CACNA1C: variants seen among roughly 807,000 people sequenced by gnomAD.
CACNA1C encodes voltage-dependent L-type calcium channel subunit alpha-1C.
Under a neutral mutation model 229.0 loss-of-function variants are expected in CACNA1C, and 30 were observed. The ratio of observed to expected loss-of-function variants is 0.13; its 90% confidence interval spans 0.10 to 0.18. The LOEUF is 0.18. Ranked by LOEUF, CACNA1C falls within the 10% of genes least tolerant of loss-of-function variation. The pLI, the probability that CACNA1C is intolerant of heterozygous loss-of-function variation, is 1.00. For missense variants in CACNA1C, 1,658 were observed against 2,845.0 expected (o/e 0.58, Z 9.49); for synonymous variants, 1,114 against 1,132.5 (o/e 0.98, Z 0.33).
chr12:2,324,774 A>T (rs2096211233), intron 3 of CACNA1C, among the ~76,000 whole-genome samples: 1 of 151,564 alleles, frequency 6.6e-6, no homozygotes, highest in Non-Finnish European at 1.5e-5. Flanking sequence ...GGGGAAGGGC[A>T]TGCTGGGTCT....
chr12:2,398,739 A>C (rs949297054), intron 3 of CACNA1C, among the ~76,000 whole-genome samples: 2 of 152,170 alleles, frequency 1.3e-5, no homozygotes, highest in Non-Finnish European at 2.9e-5. Context: ...GTGGGGTCTA[A>C]AGATGCCCAA....
chr12:2,266,358 C>A (rs2082396834), intron 3 of CACNA1C, among the ~76,000 whole-genome samples: 2 of 152,246 alleles, frequency 1.3e-5, no homozygotes, highest in African/African-American at 2.4e-5. Flanking sequence ...TTAAGCTGAG[C>A]ATATTGACCT....
At chr12:1,987,003 T>TG (rs113437770) in intron 1 of CACNA1C, among the ~76,000 whole-genome samples, 4,163 of 152,172 alleles carry the variant, frequency 0.027, 96 homozygotes, top group Middle Eastern at 0.054. Flanking sequence ...GGAATAGAAG[T>TG]GGGGATAGAA....
Position 2,054,263 on chromosome 12 carries a change from A to G in CACNA1C, c.49+652A>G, listed in dbSNP as rs1001646501. On this transcript the variant is annotated intron_variant, in intron 1 of 46. Coordinates refer to ENST00000399655, the MANE Select transcript of CACNA1C (RefSeq NM_000719.7). This position sits in a 1 kb window ranked among gnomAD's most constrained non-coding sequence, Gnocchi z 5.5. Reference sequence around the variant, plus strand: ...TCTCTCCCTCCCTCCTCCGCCGCTCACCTACACCCACCCACCTCTCCACTG... The same window carrying G: ...TCTCTCCCTCCCTCCTCCGCCGCTCGCCTACACCCACCCACCTCTCCACTG... Among the ~76,000 whole-genome samples the G allele has an allele frequency of 2.6e-5, 4 of 151,702 alleles. No homozygotes were observed. The highest frequency in any genetic ancestry group is 5.9e-5 in the Non-Finnish European group (4 of 67,892).
In CACNA1C at chr12:2,689,002, C is replaced by T. The variant is rs1165216499; in HGVS notation, c.6117+223C>T. Among the ~76,000 whole-genome samples, 2 of 152,242 alleles carry T rather than the reference C, an allele frequency of 1.3e-5. No homozygotes were observed. The highest frequency in any genetic ancestry group is 2.1e-4 in the South Asian group (1 of 4,822). On this transcript the variant is annotated intron_variant, in intron 46 of 46. Coordinates refer to ENST00000399655, the MANE Select transcript of CACNA1C (RefSeq NM_000719.7). This position sits in a 1 kb window ranked among gnomAD's most constrained non-coding sequence, Gnocchi z 4.2. Reference sequence around the variant, plus strand: ...TTGAGGCTGGGCCCACTGCAGAGGGCGGCAGAAACCACTGAGCAACTTATC... The same window carrying T: ...TTGAGGCTGGGCCCACTGCAGAGGGTGGCAGAAACCACTGAGCAACTTATC...
intron 3 of CACNA1C, among the ~76,000 whole-genome samples, chr12:2,212,032 C>T (rs1024055926): frequency 2.0e-5 from 3 of 152,146 alleles, no homozygotes; most frequent in Admixed American, 1.3e-4. Flanking sequence ...CTTTCTGCTA[C>T]CTTTACGTTA....
chr12:2,142,936 G>A (rs542930416), intron 3 of CACNA1C, among the ~76,000 whole-genome samples: 2 of 151,212 alleles, frequency 1.3e-5, no homozygotes, highest in African/African-American at 2.4e-5. Flanking sequence ...GTTACAGTAA[G>A]CTGAGGTTAA....
chr12:2,645,709 A>G (rs1022398632), intron 30 of CACNA1C, among the ~76,000 whole-genome samples: 1 of 152,122 alleles, frequency 6.6e-6, no homozygotes, highest in African/African-American at 2.4e-5. Flanking sequence ...TGTAGAAATC[A>G]CTCAGGGATT....
chr12:2,309,061 A>G (rs983853526), intron 3 of CACNA1C, among the ~76,000 whole-genome samples: 56 of 152,378 alleles, frequency 3.7e-4, no homozygotes, highest in African/African-American at 1.3e-3. Context: ...TTGCAGCATT[A>G]TTCACAATAG....
chr12:2,397,577 T>C (rs1051048431), intron 3 of CACNA1C, among the ~76,000 whole-genome samples: 2 of 152,180 alleles, frequency 1.3e-5, no homozygotes, highest in Admixed American at 6.5e-5. Context: ...GCTCTGGAAA[T>C]GGTAATCAGG....
intron 3 of CACNA1C, among the ~76,000 whole-genome samples, chr12:2,190,923 C>G (rs570121871): frequency 6.6e-6 from 1 of 152,140 alleles, no homozygotes; most frequent in African/African-American, 2.4e-5. Context: ...GGGCCCAAGT[C>G]GCACCCATGT....
At chr12:2,002,058 C>T (rs2042306538) in intron 1 of CACNA1C, among the ~76,000 whole-genome samples, 1 of 152,172 alleles carries the variant, frequency 6.6e-6, no homozygotes, top group African/African-American at 2.4e-5. Context: ...TCTAAAATTC[C>T]TATTCCAGTC....
intron 3 of CACNA1C, among the ~76,000 whole-genome samples, chr12:2,169,542 T>C (rs902291497): frequency 1.3e-5 from 2 of 152,198 alleles, no homozygotes; most frequent in African/African-American, 4.8e-5. Flanking sequence ...GTAGACATGG[T>C]GTACCTTTCC....
chr12:2,665,626 C>T lies in CACNA1C; in HGVS notation c.4444C>T (p.Leu1482=), dbSNP rs1210041919. 1 of 1,613,798 alleles carries T rather than the reference C, an allele frequency of 6.2e-7. No individual in the cohort carries two copies. The highest frequency in any genetic ancestry group is 1.7e-5 in the Admixed American group (1 of 60,022). ...TGTCATCATGGACAACTTTGACTAC[C>T]TGACAAGGGACTGGTCCATCCTTGG... ...VAVIMDNFDY[L]TRDWSILGPH... is the part of the protein sequence containing the mutation. Residue 1482 remains leucine, a synonymous_variant, in exon 36 of 47, where the codon CTG becomes TTG. Coordinates refer to ENST00000399655, the MANE Select transcript of CACNA1C (RefSeq NM_000719.7). The surrounding 1 kb of genome is among the most constrained non-coding windows in gnomAD (Gnocchi z 5.9).
intron 1 of CACNA1C, among the ~76,000 whole-genome samples, chr12:2,042,107 C>T (rs911823408): frequency 6.6e-6 from 1 of 152,118 alleles, no homozygotes; most frequent in Non-Finnish European, 1.5e-5. Flanking sequence ...CTATTTGATA[C>T]CTTCTATTAT....
chr12:2,303,359 C>T (rs1175510638), intron 3 of CACNA1C, among the ~76,000 whole-genome samples: 1 of 152,158 alleles, frequency 6.6e-6, no homozygotes, highest in African/African-American at 2.4e-5. Context: ...CATGGGTCCT[C>T]ACATGGTATC....
chr12:2,587,575 A>G (rs1311370795), intron 18 of CACNA1C, among the ~76,000 whole-genome samples: 1 of 152,094 alleles, frequency 6.6e-6, no homozygotes, highest in Non-Finnish European at 1.5e-5. Flanking sequence ...TTGTTGCTCT[A>G]ATGAAATCAA....
chr12:2,393,868 G>A (rs1318454006), intron 3 of CACNA1C, among the ~76,000 whole-genome samples: 6 of 152,162 alleles, frequency 3.9e-5, no homozygotes, highest in African/African-American at 1.4e-4. Context: ...CACTTTGGGA[G>A]GCTAAGGTGG....
chr12:2,452,571 C>T (rs1275258884), intron 4 of CACNA1C, among the ~76,000 whole-genome samples: 4 of 152,292 alleles, frequency 2.6e-5, no homozygotes, highest in African/African-American at 9.6e-5. Context: ...ACACCAGAGC[C>T]CAACCCTCAG....
Sources: allele counts gnomAD v4.1 joint callset (sites outside exome capture counted in the v4.1 genomes callset), GRCh38; gene constraint gnomAD v4.1.1; non-coding constraint Gnocchi (gnomAD v3.1); transcripts MANE v1.5; gene names NCBI Gene and HGNC (gene_info 2026-07-23, HGNC 2026-07-21).